The following EPHA5 variants were observed in gnomAD, a reference collection of about 807,000 sequenced individuals.
EPHA5 encodes the protein ephrin type-A receptor 5.
EPHA5 carries 60 observed loss-of-function variants against 105.0 expected under a neutral mutation model. That is an observed-to-expected ratio of 0.57 (90% confidence interval 0.46 to 0.71). EPHA5 has a LOEUF of 0.71. Ranked by LOEUF, EPHA5 falls within the 30% of genes least tolerant of loss-of-function variation. The pLI, the probability that EPHA5 is intolerant of heterozygous loss-of-function variation, is 0.00. For missense variants in EPHA5, 1,218 were observed against 1,274.7 expected, an observed-to-expected ratio of 0.96 and a Z score of 0.68; for synonymous variants, 513 against 449.1, an observed-to-expected ratio of 1.14 and a Z score of -1.80.
chr4:65,598,438 C>T (rs1024399097), intron 3 of EPHA5, among the ~76,000 whole-genome samples: 1 of 152,058 alleles, frequency 6.6e-6, no homozygotes, highest in Non-Finnish European at 1.5e-5. Context: ...ATTTTCTTTC[C>T]TCTCTTTTGA....
At chr4:65,411,760 T>TG (rs1244379223) in intron 7 of EPHA5, among the ~76,000 whole-genome samples, 2 of 152,162 alleles carry the variant, frequency 1.3e-5, no homozygotes, top group African/African-American at 2.4e-5. Context: ...ACAAAAGTTC[T>TG]GGAAAAAAGT....
At chr4:65,551,289 T>C in intron 3 of EPHA5, among the ~76,000 whole-genome samples, 1 of 148,926 alleles carries the variant, frequency 6.7e-6, no homozygotes, top group Admixed American at 6.7e-5. Context: ...TGTATATATA[T>C]ATATATATAT....
chr4:65,549,541 T>C (rs1218653499), intron 3 of EPHA5, among the ~76,000 whole-genome samples: 1 of 36,660 alleles, frequency 2.7e-5, no homozygotes, highest in African/African-American at 8.3e-5. Context: ...GTATCAAGTG[T>C]TCTAAGTTGA....
At chr4:65,643,276 A>T in intron 2 of EPHA5, 87 bp downstream of exon 2, 1 of 1,064,296 alleles carries the variant, frequency 9.4e-7, no homozygotes, top group Non-Finnish European at 1.5e-6. Flanking sequence ...CAACATATAC[A>T]TCCAGTACAT....
chr4:65,596,888 C>G (rs969575786), intron 3 of EPHA5, among the ~76,000 whole-genome samples: 1 of 152,178 alleles, frequency 6.6e-6, no homozygotes, highest in African/African-American at 2.4e-5. Flanking sequence ...ACTAGGCTCT[C>G]TAATCCATAA....
At chr4:65,527,846 T>A (rs749910217) in intron 3 of EPHA5, among the ~76,000 whole-genome samples, 2 of 151,954 alleles carry the variant, frequency 1.3e-5, no homozygotes, top group Non-Finnish European at 2.9e-5. Flanking sequence ...CTCCTCCCAT[T>A]CTCCACTCTC....
intron 3 of EPHA5, among the ~76,000 whole-genome samples, chr4:65,551,311 A>T (rs1025159666): frequency 2.0e-5 from 3 of 149,886 alleles, no homozygotes; most frequent in Non-Finnish European, 3.0e-5. Flanking sequence ...TGGAGTCAGC[A>T]TATCATTTAT....
intron 5 of EPHA5, among the ~76,000 whole-genome samples, chr4:65,448,055 C>T (rs553111405): frequency 2.0e-4 from 31 of 151,498 alleles, no homozygotes; most frequent in Non-Finnish European, 2.1e-4. Context: ...GAAAATAATA[C>T]CAATATCAAT....
chr4:65,459,386 T>C (rs1727913861), intron 5 of EPHA5, among the ~76,000 whole-genome samples: 1 of 151,920 alleles, frequency 6.6e-6, no homozygotes, highest in African/African-American at 2.4e-5. Context: ...TATCACAATC[T>C]ATTTCAGTTG....
intron 3 of EPHA5, among the ~76,000 whole-genome samples, chr4:65,525,102 A>G (rs1294034149): frequency 6.6e-6 from 1 of 151,680 alleles, no homozygotes; most frequent in Non-Finnish European, 1.5e-5. Context: ...CCTGTATTTG[A>G]AGGTAATAAC....
chr4:65,554,981 C>CAAAAAAAAAAAAA (rs71205383), intron 3 of EPHA5, among the ~76,000 whole-genome samples: 30 of 92,550 alleles, frequency 3.2e-4, no homozygotes, highest in Admixed American at 4.1e-4. Flanking sequence ...TATACAACAG[C>CAAAAAAAAAAAAA]AAAAAAAAAA....
At chr4:65,479,518 G>T (rs969816240) in intron 5 of EPHA5, among the ~76,000 whole-genome samples, 1 of 152,152 alleles carries the variant, frequency 6.6e-6, no homozygotes, top group Non-Finnish European at 1.5e-5. Flanking sequence ...ATGGGGAAAG[G>T]ACTAAAAATG....
chr4:65,348,700 AATATATATGTGTGTGT>A (rs71205358), intron 13 of EPHA5, among the ~76,000 whole-genome samples: 2 of 20,328 alleles, frequency 9.8e-5, no homozygotes, highest in African/African-American at 1.3e-4. Flanking sequence ...ATATATATAA[AATATATATGTGTGTGT>A]ATATATATGT....
chr4:65,551,254 ATG>A (rs71657186), intron 3 of EPHA5, among the ~76,000 whole-genome samples: 9,149 of 141,478 alleles, frequency 0.065, 413 homozygotes, highest in East Asian at 0.12. Flanking sequence ...ATATTTATAT[ATG>A]TGTGTGTGTG....
At chr4:65,633,324 T>C (rs968623797) in intron 2 of EPHA5, among the ~76,000 whole-genome samples, 1 of 151,446 alleles carries the variant, frequency 6.6e-6, no homozygotes, top group African/African-American at 2.4e-5. Context: ...TTGACTTGCA[T>C]GGGAGCACTG....
chr4:65,380,873 G>T (rs1335996642), intron 8 of EPHA5, among the ~76,000 whole-genome samples: 1 of 151,716 alleles, frequency 6.6e-6, no homozygotes, highest in Non-Finnish European at 1.5e-5. Flanking sequence ...ATGTTCTCAT[G>T]CTTTGGCCCT....
chr4:65,635,287 T>C (rs908660986), intron 2 of EPHA5, among the ~76,000 whole-genome samples: 11 of 152,158 alleles, frequency 7.2e-5, no homozygotes, highest in African/African-American at 2.7e-4. Flanking sequence ...GTCTCCATTT[T>C]AGTACAAATA....
chr4:65,451,846 G>A (rs1271861989), intron 5 of EPHA5, among the ~76,000 whole-genome samples: 1 of 152,138 alleles, frequency 6.6e-6, no homozygotes, highest in Non-Finnish European at 1.5e-5. Context: ...AATGAGAAGA[G>A]TCTGTGAAAG....
intron 2 of EPHA5, among the ~76,000 whole-genome samples, chr4:65,642,292 A>C (rs1396756422): frequency 1.3e-5 from 2 of 152,106 alleles, no homozygotes; most frequent in South Asian, 2.1e-4. Context: ...ATCTGTATGG[A>C]GCGATGATAG....
Sources: allele counts gnomAD v4.1 joint callset (sites outside exome capture counted in the v4.1 genomes callset), GRCh38; gene constraint gnomAD v4.1.1; transcripts MANE v1.5; gene names NCBI Gene and HGNC (gene_info 2026-07-23, HGNC 2026-07-21).